Variants in EPS15L1 observed in about 807,000 individuals in gnomAD.
EPS15L1 encodes the protein epidermal growth factor receptor pathway substrate 15 like 1.
EPS15L1 carries 43 observed loss-of-function variants against 117.1 expected under a neutral mutation model. The ratio of observed to expected loss-of-function variants is 0.37; its 90% CI spans 0.29 to 0.47. The LOEUF (loss-of-function observed/expected upper bound fraction) is 0.47. Ranked by LOEUF, EPS15L1 falls within the 20% of genes least tolerant of loss-of-function variation. The pLI is 0.99. For missense variants in EPS15L1, 981 were observed against 1,164.0 expected (o/e 0.84, Z 2.29); for synonymous variants, 459 against 470.5 (o/e 0.98, Z 0.32).
Position 16,365,274 on chromosome 19 carries a change from AC to A in EPS15L1, c.2381-3291del, listed in dbSNP as rs2092117924. Among the ~76,000 whole-genome samples the A allele has an allele frequency of 6.6e-6, 1 of 152,200 alleles. No homozygotes were observed. Among genetic ancestry groups the A allele is most frequent in the African/African-American group, 2.4e-5 (1 of 41,458 alleles). On this transcript the variant is annotated intron_variant, in intron 22 of 23. Coordinates refer to ENST00000455140, the MANE Select transcript of EPS15L1 (RefSeq NM_001258374.3). This position sits in a 1 kb window ranked among gnomAD's most constrained non-coding sequence, Gnocchi z 4.9. Reference sequence around the variant, plus strand: ...CTGTGTCCCCCCAACAATTGTTCATACGTTCAAGTCCTAACCCCTGTGCCTT... The same window carrying A: ...CTGTGTCCCCCCAACAATTGTTCATAGTTCAAGTCCTAACCCCTGTGCCTT...
chr19:16,441,074 T>A, intron 3 of EPS15L1, 165 bp from the exon 4 acceptor site: 2 of 717,346 alleles, frequency 2.8e-6, no homozygotes, highest in Non-Finnish European at 5.0e-6. Context: ...GTGAATGATC[T>A]GCCCAGGGGC....
At chr19:16,423,855 TTC>T (rs1352278343) in intron 9 of EPS15L1, among the ~76,000 whole-genome samples, 1 of 151,058 alleles carries the variant, frequency 6.6e-6, no homozygotes, top group Non-Finnish European at 1.5e-5. Flanking sequence ...ACAAGGGGGG[TTC>T]TGTGTCCCAC....
At chr19:16,423,716 A>C (rs1011040391) in intron 9 of EPS15L1, among the ~76,000 whole-genome samples, 1 of 152,208 alleles carries the variant, frequency 6.6e-6, no homozygotes, top group Non-Finnish European at 1.5e-5. Flanking sequence ...GATGCCAATA[A>C]AGGAATTCTA....
chr19:16,416,928 G>A (rs1224302599), intron 12 of EPS15L1, among the ~76,000 whole-genome samples: 1 of 152,212 alleles, frequency 6.6e-6, no homozygotes, highest in African/African-American at 2.4e-5. Flanking sequence ...GTTTACACAT[G>A]AGGAAACTAA....
In EPS15L1 at chr19:16,358,946, T is replaced by C. The variant is rs2092017191; in HGVS notation, c.2586+2833A>G. On this transcript the variant is annotated intron_variant, in intron 23 of 23. Transcript: ENST00000455140. Reference sequence around the variant, plus strand: ...CACATTTGCCTGAGACAGAAAGGCCTGCTTTTAAAGAAATACCAGAGAGGG... The same window carrying C: ...CACATTTGCCTGAGACAGAAAGGCCCGCTTTTAAAGAAATACCAGAGAGGG... 3.3e-5 allele frequency among the ~76,000 whole-genome samples: 5 copies of C among 152,336 alleles called. No homozygotes were observed. The South Asian group carries it at 8.3e-4, about 25-fold the overall frequency.
chr19:16,423,093 G>C (rs910654254), intron 9 of EPS15L1, among the ~76,000 whole-genome samples: 5 of 152,116 alleles, frequency 3.3e-5, no homozygotes, highest in African/African-American at 1.2e-4. Context: ...TACTCTTCAT[G>C]AACGAGTCTC....
chr19:16,397,342 G>A (rs546942460), intron 16 of EPS15L1, among the ~76,000 whole-genome samples: 51 of 152,058 alleles, frequency 3.4e-4, no homozygotes, highest in African/African-American at 1.0e-3. Flanking sequence ...CACCCCCCTC[G>A]GCCTCCCAAA....
In EPS15L1 at chr19:16,404,798, T is replaced by A. The variant is rs774571388; in HGVS notation, c.1267-49A>T. 3 of 1,602,658 alleles carry A rather than the reference T, an allele frequency of 1.9e-6. No homozygotes were observed. Among genetic ancestry groups the A allele is most frequent in the Middle Eastern group, 1.7e-4 (1 of 6,048 alleles). Reference sequence around the variant, plus strand: ...ACGTGAGGATGGGAAAAATGAAGCATGTCCAAGATAACGGGGGGCAGCCTG... The same window carrying A: ...ACGTGAGGATGGGAAAAATGAAGCAAGTCCAAGATAACGGGGGGCAGCCTG... On this transcript the variant is annotated intron_variant, in intron 13 of 23. Coordinates refer to ENST00000455140, the MANE Select transcript of EPS15L1 (RefSeq NM_001258374.3). The surrounding 1 kb of genome is among the most constrained non-coding windows in gnomAD (Gnocchi z 4.2).
At chr19:16,442,669 G>C (rs1290957549) in intron 1 of EPS15L1, among the ~76,000 whole-genome samples, 2 of 152,204 alleles carry the variant, frequency 1.3e-5, no homozygotes, top group African/African-American at 4.8e-5. Context: ...CCTGGCCTGG[G>C]TCTGGTTCTC....
intron 11 of EPS15L1, 143 bp from the exon 12 acceptor site, chr19:16,417,780 G>T: frequency 8.4e-7 from 1 of 1,183,450 alleles, no homozygotes; most frequent in East Asian, 2.5e-5. Context: ...CCCCTGCCTG[G>T]GGAAATACCT....
At chr19:16,424,157 A>C (rs1018631414) in intron 9 of EPS15L1, among the ~76,000 whole-genome samples, 11 of 152,234 alleles carry the variant, frequency 7.2e-5, no homozygotes, top group Non-Finnish European at 1.5e-4. Flanking sequence ...CAAACCTGGC[A>C]TGAGGGCAAA....
At chr19:16,446,306 G>A (rs920715497) in intron 1 of EPS15L1, among the ~76,000 whole-genome samples, 5 of 152,132 alleles carry the variant, frequency 3.3e-5, no homozygotes, top group South Asian at 2.1e-4. Context: ...GCACGTGGCC[G>A]AGGGCAGGAC....
chr19:16,401,216 G>A, intron 16 of EPS15L1: 1 of 985,528 alleles, frequency 1.0e-6, no homozygotes, highest in Non-Finnish European at 1.2e-6. Flanking sequence ...GCGGGGGCCA[G>A]ACACAAGAGA....
chr19:16,431,091 T>G (rs1279869966), intron 7 of EPS15L1, among the ~76,000 whole-genome samples: 2 of 151,554 alleles, frequency 1.3e-5, no homozygotes, highest in African/African-American at 4.8e-5. Flanking sequence ...ATATAAAAAT[T>G]AGCTGGGCGT....
At chr19:16,380,648 C>T (rs1185956580) in intron 21 of EPS15L1, among the ~76,000 whole-genome samples, 1 of 152,230 alleles carries the variant, frequency 6.6e-6, no homozygotes, top group East Asian at 1.9e-4. Flanking sequence ...TCCAGTCACA[C>T]TGACACAGCT....
At chr19:16,393,122 AAT>A (rs1217488518) in intron 18 of EPS15L1, among the ~76,000 whole-genome samples, 11 of 135,638 alleles carry the variant, frequency 8.1e-5, no homozygotes, top group African/African-American at 2.8e-4. Flanking sequence ...TAATAATAAT[AAT>A]AAACAACGCA....
chr19:16,361,808 A>T lies in EPS15L1; in HGVS notation c.2557T>A (p.Ser853Thr), dbSNP rs1299061107. The change falls in exon 23 of 24, where the codon TCT (serine) becomes ACT (threonine). Residue 853 changes from serine (S) to threonine (T), a missense_variant. This residue lies in a region of EPS15L1 where 819 missense variants were observed against 949.0 expected (regional missense o/e 0.86). Transcript: ENST00000455140. ...GTGAAGTCTGCAAAGCCCGAGGCAGAGGCCTTAGAAGGTTTAGCTGCAGAG... is the reference window on the plus strand; with the variant it reads ...GTGAAGTCTGCAAAGCCCGAGGCAGTGGCCTTAGAAGGTTTAGCTGCAGAG... ...PSSAAKPSKA[S>T]ASGFADFTSF... The T allele has an allele frequency of 2.5e-6, 4 of 1,613,796 alleles. No homozygotes were observed. Among genetic ancestry groups the T allele is most frequent in the Non-Finnish European group, 3.4e-6 (4 of 1,179,944 alleles).
At chr19:16,438,706 TA>T in intron 4 of EPS15L1, among the ~76,000 whole-genome samples, 1 of 152,298 alleles carries the variant, frequency 6.6e-6, no homozygotes, top group East Asian at 1.9e-4. Context: ...AGTTTTTATT[TA>T]TTTTTTTAGA....
intron 11 of EPS15L1, 63 bp from the exon 12 acceptor site, chr19:16,417,700 CCAG>C: frequency 2.8e-6 from 4 of 1,421,846 alleles, no homozygotes; most frequent in Non-Finnish European, 4.0e-6. Context: ...ACAGGAGGCA[CCAG>C]CAGTTCTCGG....
Sources: allele counts gnomAD v4.1 joint callset (sites outside exome capture counted in the v4.1 genomes callset), GRCh38; gene constraint gnomAD v4.1.1; regional missense constraint gnomAD v4.1.1; non-coding constraint Gnocchi (gnomAD v3.1); transcripts MANE v1.5; gene names NCBI Gene and HGNC (gene_info 2026-07-23, HGNC 2026-07-21).